The following DACH1 variants were observed in gnomAD, a reference collection of about 807,000 sequenced individuals.
The protein encoded by DACH1 is dachshund homolog 1.
Under a neutral mutation model 54.2 loss-of-function variants are expected in DACH1, and 12 were observed. That is an observed-to-expected ratio of 0.22 (90% CI 0.14 to 0.36). DACH1 has a LOEUF of 0.36. DACH1 is among the 10% of genes least tolerant of loss of function. The pLI, the probability that DACH1 is intolerant of heterozygous loss-of-function variation, is 1.00. For synonymous variants in DACH1, 386 were observed against 366.2 expected (o/e 1.05, Z -0.62); for missense variants, 805 against 929.8 (o/e 0.87, Z 1.75).
At chr13:71,802,280 G>T (rs1231795040) in intron 1 of DACH1, among the ~76,000 whole-genome samples, 3 of 151,878 alleles carry the variant, frequency 2.0e-5, no homozygotes, top group Non-Finnish European at 4.4e-5. Flanking sequence ...CTAGAAACAT[G>T]AGAGAAAAAA....
In DACH1 at chr13:71,857,850, T is replaced by A. The variant is rs571189519; in HGVS notation, c.848+8072A>T. Among the ~76,000 whole-genome samples the A allele has an allele frequency of 2.0e-5, 3 of 151,836 alleles. No homozygotes were observed. In the East Asian group the frequency reaches 5.8e-4, roughly 29 times the overall value. ...AATACTGTTGAATGCATCAGTATAT[T>A]TTAGCAGAACTATGATGGGTTCAAA... On this transcript the variant is annotated intron_variant, in intron 1 of 10. Coordinates refer to ENST00000613252, the MANE Select transcript of DACH1 (RefSeq NM_080759.6).
intron 1 of DACH1, among the ~76,000 whole-genome samples, chr13:71,744,687 C>G (rs1234442473): frequency 6.6e-6 from 1 of 152,098 alleles, no homozygotes; most frequent in Non-Finnish European, 1.5e-5. Flanking sequence ...ACATGGGTGC[C>G]CACTTTGGTT....
intron 2 of DACH1, among the ~76,000 whole-genome samples, chr13:71,650,129 C>G (rs185581576): frequency 6.6e-6 from 1 of 152,090 alleles, no homozygotes. Flanking sequence ...ATTGAAATAG[C>G]CAAGAATAGT....
chr13:71,562,283 G>A (rs189055214), intron 4 of DACH1, among the ~76,000 whole-genome samples: 356 of 152,204 alleles, frequency 2.3e-3, no homozygotes, highest in African/African-American at 7.8e-3. Flanking sequence ...GTAGGTAAAT[G>A]TAAGCAACAC....
intron 1 of DACH1, among the ~76,000 whole-genome samples, chr13:71,757,651 G>A (rs1391358760): frequency 6.6e-6 from 1 of 151,374 alleles, no homozygotes; most frequent in East Asian, 2.0e-4. Context: ...AACCTCCTGA[G>A]TAGCTGGGAT....
intron 1 of DACH1, among the ~76,000 whole-genome samples, chr13:71,768,978 A>G (rs934746281): frequency 1.3e-5 from 2 of 151,776 alleles, no homozygotes; most frequent in Non-Finnish European, 3.0e-5. Context: ...CTTGACATGG[A>G]AATAAAAGTT....
At chr13:71,556,129 C>T (rs757811696) in intron 6 of DACH1, among the ~76,000 whole-genome samples, 5 of 152,202 alleles carry the variant, frequency 3.3e-5, no homozygotes, top group South Asian at 2.1e-4. Flanking sequence ...TCTCCCTCCA[C>T]GCATTTATTC....
chr13:71,511,133 G>C (rs1199082642), intron 6 of DACH1, among the ~76,000 whole-genome samples: 1 of 151,948 alleles, frequency 6.6e-6, no homozygotes, highest in Non-Finnish European at 1.5e-5. Context: ...AACAAGGGAG[G>C]TCCATTACAC....
intron 2 of DACH1, chr13:71,675,301 A>G: frequency 1.2e-6 from 2 of 1,602,800 alleles, no homozygotes; most frequent in Non-Finnish European, 1.7e-6. Context: ...TCAGTACTTT[A>G]AAACAGATCT....
At chr13:71,473,713 C>T (rs1877280125) in intron 10 of DACH1, among the ~76,000 whole-genome samples, 1 of 152,076 alleles carries the variant, frequency 6.6e-6, no homozygotes, top group Admixed American at 6.6e-5. Flanking sequence ...CTTCTGACCA[C>T]CTTGAGGATT....
chr13:71,861,269 A>G (rs1874332957), intron 1 of DACH1, among the ~76,000 whole-genome samples: 1 of 152,018 alleles, frequency 6.6e-6, no homozygotes, highest in African/African-American at 2.4e-5. Flanking sequence ...GCTTCACAAA[A>G]TAAAATATCA....
intron 10 of DACH1, among the ~76,000 whole-genome samples, chr13:71,451,266 C>T (rs80037013): frequency 0.028 from 4,222 of 152,204 alleles, 200 homozygotes; most frequent in African/African-American, 0.095. Context: ...AGGACCCAGA[C>T]TATCATCTCT....
At chr13:71,772,418 G>A (rs1472904055) in intron 1 of DACH1, among the ~76,000 whole-genome samples, 2 of 151,454 alleles carry the variant, frequency 1.3e-5, no homozygotes, top group Non-Finnish European at 3.0e-5. Context: ...TTTTTCACCA[G>A]GCAGAAAAAG....
intron 6 of DACH1, among the ~76,000 whole-genome samples, chr13:71,542,074 T>G (rs1883167820): frequency 6.6e-6 from 1 of 151,280 alleles, no homozygotes; most frequent in Admixed American, 6.6e-5. Context: ...ATGGTGAAAC[T>G]CCTTCACTAT....
intron 6 of DACH1, among the ~76,000 whole-genome samples, chr13:71,499,129 AC>A (rs1879698588): frequency 2.3e-5 from 1 of 43,384 alleles, no homozygotes; most frequent in African/African-American, 4.4e-5. Context: ...ACACACACAC[AC>A]ACGCAGACAC....
chr13:71,790,234 G>T (rs2138091801), intron 1 of DACH1, among the ~76,000 whole-genome samples: 1 of 152,006 alleles, frequency 6.6e-6, no homozygotes, highest in African/African-American at 2.4e-5. Flanking sequence ...CAGTGCAAAA[G>T]AAAAACAAAC....
intron 1 of DACH1, among the ~76,000 whole-genome samples, chr13:71,709,610 A>G (rs968348600): frequency 9.2e-5 from 14 of 152,210 alleles, no homozygotes; most frequent in African/African-American, 2.9e-4. Flanking sequence ...TGAAAAGGCC[A>G]GAGTAGTGAT....
chr13:71,816,640 ATGTGTG>A (rs775594717), intron 1 of DACH1, among the ~76,000 whole-genome samples: 7 of 25,392 alleles, frequency 2.8e-4, no homozygotes, highest in South Asian at 2.4e-3. Flanking sequence ...ACACACACAT[ATGTGTG>A]TATATATATA....
chr13:71,805,312 G>C (rs1023691529), intron 1 of DACH1, among the ~76,000 whole-genome samples: 1 of 152,052 alleles, frequency 6.6e-6, no homozygotes, highest in Non-Finnish European at 1.5e-5. Flanking sequence ...TCTATGAGAC[G>C]CAAACACTCA....
Sources: allele counts gnomAD v4.1 joint callset (sites outside exome capture counted in the v4.1 genomes callset), GRCh38; gene constraint gnomAD v4.1.1; transcripts MANE v1.5; gene names NCBI Gene and HGNC (gene_info 2026-07-23, HGNC 2026-07-21).